Variants in ARHGEF38 observed in about 807,000 individuals in gnomAD.
The protein encoded by ARHGEF38 is Rho guanine nucleotide exchange factor 38.
ARHGEF38 carries 79 observed loss-of-function variants against 79.9 expected under a neutral mutation model. The observed-to-expected ratio is 0.99, with a 90% CI of 0.82 to 1.19. The LOEUF (loss-of-function observed/expected upper bound fraction) is 1.19, where lower values mean the gene tolerates loss of function less well. Among genes scored for constraint, ARHGEF38 ranks in the 50% most tolerant of loss-of-function variants. The pLI is 0.00. For missense variants in ARHGEF38, 962 were observed against 907.2 expected, an observed-to-expected ratio of 1.06 and a Z score of -0.78; for synonymous variants, 366 against 328.3, an observed-to-expected ratio of 1.11 and a Z score of -1.24.
chr4:105,659,464 G>T, intron 10 of ARHGEF38, 99 bp downstream of exon 10: 1 of 1,147,920 alleles, frequency 8.7e-7, no homozygotes, highest in South Asian at 1.6e-5. Flanking sequence ...GCACATGTAT[G>T]CCGTGTGGTG....
chr4:105,555,612 G>A (rs192398449), intron 1 of ARHGEF38, among the ~76,000 whole-genome samples: 66 of 152,224 alleles, frequency 4.3e-4, no homozygotes, highest in African/African-American at 1.4e-3. Context: ...CAGATAGATG[G>A]CCTAAAGCTC....
At chr4:105,632,539 C>A (rs751544542) in intron 4 of ARHGEF38, among the ~76,000 whole-genome samples, 5 of 152,204 alleles carry the variant, frequency 3.3e-5, no homozygotes, top group Middle Eastern at 3.4e-3. Context: ...GAAGCACAGT[C>A]CTCTAAATGT....
intron 2 of ARHGEF38, among the ~76,000 whole-genome samples, chr4:105,610,695 A>G (rs1449302655): frequency 6.6e-6 from 1 of 152,074 alleles, no homozygotes; most frequent in Non-Finnish European, 1.5e-5. Flanking sequence ...TGGGCGTTTG[A>G]AATCAGGCCA....
chr4:105,639,160 T>A (rs1357631599), intron 5 of ARHGEF38, among the ~76,000 whole-genome samples: 2 of 152,050 alleles, frequency 1.3e-5, no homozygotes, highest in African/African-American at 4.8e-5. Flanking sequence ...ATTTTTCCTA[T>A]GTATTTAACT....
In ARHGEF38 at chr4:105,553,027, A is replaced by G. The variant is rs140573570; in HGVS notation, c.196+66A>G. On this transcript the variant is annotated intron_variant, in intron 1 of 13. Coordinates refer to ENST00000420470, the MANE Select transcript of ARHGEF38 (RefSeq NM_001242729.2). Reference sequence around the variant, plus strand: ...CAGCTCCATTTCTGCTACGTTTCCAATTGCAAAGAAAACACACAAGGCAGA... The same window carrying G: ...CAGCTCCATTTCTGCTACGTTTCCAGTTGCAAAGAAAACACACAAGGCAGA... The G allele has an allele frequency of 2.7e-3, 3,609 of 1,316,524 alleles. 11 individuals are homozygous for G. The highest frequency in any genetic ancestry group is 3.4e-3 in the Non-Finnish European group (3,316 of 966,832). 81.6% of individuals were successfully genotyped at this position (1,316,524 alleles called of 1,614,324 possible). A position where few individuals can be genotyped will look rare whatever the true frequency, so the allele number is the denominator to read the frequency against.
rs1023995360 is a variant in ARHGEF38 at position 105,659,365 on chromosome 4, G to A, written c.1545G>A (p.Pro515=). The stretch of plus-strand genomic sequence containing the variant: ...AGCAGGCTTACTCCACACTTGTGCC[G>A]GTAAGCACAGCACCAACACCTAGCT... ...VAQQAYSTLV[P]MPLLVSSISE... Residue 515 remains proline, a splice_region_variant and synonymous_variant, in exon 10 of 14, where the codon CCG becomes CCA. Transcript: ENST00000420470. 2.9e-5 allele frequency: 44 copies of A among 1,532,154 alleles called. No homozygotes were observed. Among genetic ancestry groups the A allele is most frequent in the East Asian group, 1.5e-4 (6 of 40,908 alleles). 94.9% of individuals were successfully genotyped at this position (1,532,154 alleles called of 1,614,324 possible). A position where few individuals can be genotyped will look rare whatever the true frequency, so the allele number is the denominator to read the frequency against.
In ARHGEF38 at chr4:105,552,855, G is replaced by A; in HGVS notation, c.90G>A (p.Glu30=). 3 of 1,613,982 alleles carry A rather than the reference G, an allele frequency of 1.9e-6. No individual in the cohort carries two copies. Among genetic ancestry groups the A allele is most frequent in the Non-Finnish European group, 2.5e-6 (3 of 1,179,878 alleles). ...AFLRSRLYML[E]RRKTDTVVES... is the part of the protein sequence containing the mutation. ...TGAGGTCTAGACTCTATATGCTGGAGAGAAGGAAGACTGACACTGTGGTTG... is the reference window on the plus strand; with the variant it reads ...TGAGGTCTAGACTCTATATGCTGGAAAGAAGGAAGACTGACACTGTGGTTG... Residue 30 remains glutamate (E), a synonymous_variant, in exon 1 of 14, where the codon GAG becomes GAA. Coordinates refer to ENST00000420470, the MANE Select transcript of ARHGEF38 (RefSeq NM_001242729.2).
At chr4:105,633,960 T>A (rs1483205321) in intron 4 of ARHGEF38, among the ~76,000 whole-genome samples, 3 of 152,178 alleles carry the variant, frequency 2.0e-5, no homozygotes, top group Non-Finnish European at 4.4e-5. Context: ...AACTTTCAAT[T>A]ATTCTTTGAA....
At chr4:105,672,869 C>T (rs1731001351) in intron 13 of ARHGEF38, among the ~76,000 whole-genome samples, 1 of 152,222 alleles carries the variant, frequency 6.6e-6, no homozygotes. Flanking sequence ...CTTTCAACAA[C>T]CTGAGGCTGC....
intron 7 of ARHGEF38, among the ~76,000 whole-genome samples, chr4:105,650,853 G>T (rs1231007603): frequency 3.3e-5 from 5 of 152,188 alleles, no homozygotes; most frequent in Non-Finnish European, 5.9e-5. Context: ...GAACTATAAT[G>T]TAAGAAGTTG....
Position 105,577,667 on chromosome 4 carries a change from G to A in ARHGEF38, c.197-11581G>A, listed in dbSNP as rs150407426. Reference sequence around the variant, plus strand: ...CTGACTTAATCTAAGAGGGTTGTATGTTTCCAGGAATGTATCCATTTCCTA... The same window carrying A: ...CTGACTTAATCTAAGAGGGTTGTATATTTCCAGGAATGTATCCATTTCCTA... On this transcript the variant is annotated intron_variant, in intron 1 of 13. Transcript: ENST00000420470. Among the ~76,000 whole-genome samples, 1,321 of 152,102 alleles carry A rather than the reference G, an allele frequency of 8.7e-3. 14 individuals carry two copies. Among genetic ancestry groups the A allele is most frequent in the Non-Finnish European group, 0.013 (896 of 67,978 alleles).
In ARHGEF38 at chr4:105,561,407, ATAG is replaced by A. The variant is rs1560684139; in HGVS notation, c.196+8447_196+8449del. On this transcript the variant is annotated intron_variant, in intron 1 of 13. Transcript: ENST00000420470. ...CTCAAAAATAGAGTAGAATAATAGA[ATAG>A]AATAGAATAGAATGGAATAGAATAG... 1.5e-3 allele frequency among the ~76,000 whole-genome samples: 57 copies of A among 38,198 alleles called. 10 individuals are homozygous for A. Among genetic ancestry groups the A allele is most frequent in the African/African-American group, 5.1e-3 (51 of 9,934 alleles). The allele number at this position is 38,198 out of a possible 152,430, so 25.1% of individuals were successfully genotyped here. A position where few individuals can be genotyped will look rare whatever the true frequency, so the allele number is the denominator to read the frequency against.
At chr4:105,589,464 T>C in intron 2 of ARHGEF38, 29 bp downstream of exon 2, 4 of 1,571,606 alleles carry the variant, frequency 2.5e-6, no homozygotes, top group Non-Finnish European at 3.5e-6. Flanking sequence ...TTTTTTTTTC[T>C]CTCCCATATC....
chr4:105,578,608 A>T (rs1032040426), intron 1 of ARHGEF38, among the ~76,000 whole-genome samples: 9 of 152,144 alleles, frequency 5.9e-5, no homozygotes, highest in African/African-American at 2.2e-4. Flanking sequence ...TAAGGTACAT[A>T]TGAATTTAGG....
intron 13 of ARHGEF38, among the ~76,000 whole-genome samples, chr4:105,672,131 C>A (rs1730977453): frequency 6.6e-6 from 1 of 152,002 alleles, no homozygotes. Context: ...GACGCGAAGA[C>A]CTGAAGTGGT....
chr4:105,612,042 G>A (rs1728317325), intron 2 of ARHGEF38, among the ~76,000 whole-genome samples: 1 of 152,096 alleles, frequency 6.6e-6, no homozygotes, highest in Admixed American at 6.6e-5. Flanking sequence ...AAGGTGCCAT[G>A]TGAAGTCATG....
At chr4:105,639,631 T>C (rs1253254222) in intron 5 of ARHGEF38, among the ~76,000 whole-genome samples, 1 of 152,068 alleles carries the variant, frequency 6.6e-6, no homozygotes, top group Non-Finnish European at 1.5e-5. Flanking sequence ...TATTGAATAA[T>C]TCACTTTTTC....
chr4:105,638,106 G>A lies in ARHGEF38; in HGVS notation c.674+1686G>A, dbSNP rs952793941. Among the ~76,000 whole-genome samples, 7 of 152,122 alleles carry A rather than the reference G, an allele frequency of 4.6e-5. No homozygotes were observed. The East Asian group carries it at 1.3e-3, about 29-fold the overall frequency. On this transcript the variant is annotated intron_variant, in intron 5 of 13. Coordinates refer to ENST00000420470, the MANE Select transcript of ARHGEF38 (RefSeq NM_001242729.2). ...CTGTGTAATTGTTGGGTTCTTTAGT[G>A]GCAAAGGCCAGCAATGTTGCAGCCA... is the stretch of plus-strand genomic sequence containing the variant.
intron 9 of ARHGEF38, 57 bp downstream of exon 9, chr4:105,655,779 G>A (rs1242224979): frequency 2.7e-6 from 4 of 1,473,434 alleles, no homozygotes; most frequent in Non-Finnish European, 3.6e-6. Context: ...TGAAAGGAAA[G>A]CTGCTTTTTG....
Sources: gnomAD v4.1 joint callset for allele counts (sites outside exome capture counted in the v4.1 genomes callset) on GRCh38, gnomAD v4.1.1 for gene constraint, MANE v1.5 for transcripts, NCBI Gene and HGNC (gene_info 2026-07-23, HGNC 2026-07-21) for gene names.